Variants in ETFA observed in about 807,000 individuals in gnomAD.
ETFA encodes electron transfer flavoprotein subunit alpha, also known as electron transfer flavoprotein subunit alpha, mitochondrial.
In ETFA, 22 loss-of-function variants were observed where a neutral mutation model predicts 46.2. That is an observed-to-expected ratio of 0.48 (90% CI 0.34 to 0.68). The LOEUF (loss-of-function observed/expected upper bound fraction) is 0.68. Ranked by LOEUF, ETFA falls within the 30% of genes least tolerant of loss-of-function variation. The pLI, the probability that ETFA is intolerant of heterozygous loss-of-function variation, is 0.01. For missense variants in ETFA, 345 were observed against 401.1 expected (o/e 0.86, Z 1.19); for synonymous variants, 131 against 139.9 (o/e 0.94, Z 0.45).
chr15:76,233,151 T>C (rs1784527579), intron 9 of ETFA, among the ~76,000 whole-genome samples: 1 of 152,058 alleles, frequency 6.6e-6, no homozygotes, highest in Admixed American at 6.6e-5. Flanking sequence ...TAAAAAGCAA[T>C]TGCATGCTCT....
chr15:76,255,914 T>G (rs567852552), intron 9 of ETFA, among the ~76,000 whole-genome samples: 25 of 151,950 alleles, frequency 1.6e-4, no homozygotes, highest in South Asian at 8.3e-4. Flanking sequence ...TTTTGTTGTT[T>G]TTTTTTTTTA....
At chr15:76,225,811 A>C in intron 11 of ETFA, 38 bp downstream of exon 11, 1 of 1,191,580 alleles carries the variant, frequency 8.4e-7, no homozygotes, top group Non-Finnish European at 1.3e-6. Flanking sequence ...CTCGGATGAC[A>C]ATCTAGATAA....
intron 1 of ETFA, among the ~76,000 whole-genome samples, chr15:76,301,896 G>A (rs2039883528): frequency 6.6e-6 from 1 of 152,098 alleles, no homozygotes; most frequent in South Asian, 2.1e-4. Context: ...GATCTGAACA[G>A]GTACCTCACC....
At chr15:76,218,569 C>T (rs898156597) in intron 11 of ETFA, among the ~76,000 whole-genome samples, 1 of 152,196 alleles carries the variant, frequency 6.6e-6, no homozygotes, top group African/African-American at 2.4e-5. Context: ...CTGCACCCAG[C>T]CCAACTGCAC....
chr15:76,302,779 G>A (rs575512969), intron 1 of ETFA, among the ~76,000 whole-genome samples: 20 of 152,308 alleles, frequency 1.3e-4, no homozygotes, highest in Non-Finnish European at 5.9e-5. Flanking sequence ...GGACCAGGAA[G>A]ACTCTCTGTA....
intron 9 of ETFA, among the ~76,000 whole-genome samples, chr15:76,255,314 G>T (rs1332528621): frequency 6.6e-6 from 1 of 152,142 alleles, no homozygotes; most frequent in Non-Finnish European, 1.5e-5. Context: ...AACTAAACTG[G>T]ATTTTATTTT....
chr15:76,308,057 A>C (rs1381512402), intron 1 of ETFA, among the ~76,000 whole-genome samples: 2 of 152,198 alleles, frequency 1.3e-5, no homozygotes, highest in Non-Finnish European at 2.9e-5. Context: ...CTTTACAAAC[A>C]TGAGACAACT....
chr15:76,239,187 G>A (rs1334042622), intron 9 of ETFA, among the ~76,000 whole-genome samples: 1 of 152,150 alleles, frequency 6.6e-6, no homozygotes, highest in African/African-American at 2.4e-5. Context: ...AGAGTCTCAG[G>A]CAGGCTTGCT....
intron 9 of ETFA, chr15:76,258,907 G>A: frequency 1.0e-6 from 1 of 961,906 alleles, no homozygotes; most frequent in Non-Finnish European, 1.6e-6. Flanking sequence ...TGTCTGGGCT[G>A]AGGTCAGACA....
intron 8 of ETFA, among the ~76,000 whole-genome samples, chr15:76,275,556 AATCTTT>A (rs1366905193): frequency 2.0e-5 from 3 of 152,326 alleles, no homozygotes; most frequent in Admixed American, 6.5e-5. Context: ...CCACTATGAC[AATCTTT>A]ATCTTTAATT....
At chr15:76,274,158 G>A (rs959824638) in intron 9 of ETFA, 10 of 473,090 alleles carry the variant, frequency 2.1e-5, no homozygotes, top group African/African-American at 1.8e-4. Context: ...TTTATTTGAT[G>A]TAATATGACT....
intron 11 of ETFA, among the ~76,000 whole-genome samples, chr15:76,216,957 C>T (rs1327195842): frequency 6.6e-6 from 1 of 151,348 alleles, no homozygotes; most frequent in Non-Finnish European, 1.5e-5. Context: ...TCACTCCTCC[C>T]ACCTCAGCCT....
intron 1 of ETFA, among the ~76,000 whole-genome samples, 155 bp from the exon 2 acceptor site, chr15:76,295,892 G>A (rs2039814516): frequency 1.4e-5 from 2 of 140,866 alleles, no homozygotes; most frequent in Non-Finnish European, 3.0e-5. Flanking sequence ...TTGTTCTATA[G>A]CGAAAATCTA....
At chr15:76,279,126 A>G (rs1307360658) in intron 8 of ETFA, among the ~76,000 whole-genome samples, 1 of 152,126 alleles carries the variant, frequency 6.6e-6, no homozygotes, top group Non-Finnish European at 1.5e-5. Context: ...TCAAAAAGTT[A>G]TCTGTATTCA....
At chr15:76,277,220 C>G (rs2039601902) in intron 8 of ETFA, among the ~76,000 whole-genome samples, 2 of 152,084 alleles carry the variant, frequency 1.3e-5, no homozygotes, top group Non-Finnish European at 2.9e-5. Context: ...GCTAGAATGG[C>G]TGAAGTTGAG....
At chr15:76,277,408 A>G (rs550749585) in intron 8 of ETFA, among the ~76,000 whole-genome samples, 1 of 151,926 alleles carries the variant, frequency 6.6e-6, no homozygotes, top group Non-Finnish European at 1.5e-5. Context: ...TTTTTCTCTA[A>G]TTTTCACCAT....
At chr15:76,234,306 C>T (rs982492543) in intron 9 of ETFA, among the ~76,000 whole-genome samples, 1 of 152,116 alleles carries the variant, frequency 6.6e-6, no homozygotes, top group Admixed American at 6.5e-5. Flanking sequence ...AAAACATGTA[C>T]AGGCAATTAG....
chr15:76,309,323 T>C (rs992090451), intron 1 of ETFA, among the ~76,000 whole-genome samples: 6 of 151,910 alleles, frequency 3.9e-5, no homozygotes, highest in East Asian at 1.9e-4. Flanking sequence ...TGGTGGCGGG[T>C]ACCTGTAGTC....
At chr15:76,226,175 T>C in intron 10 of ETFA, 1 of 389,742 alleles carries the variant, frequency 2.6e-6, no homozygotes, top group Non-Finnish European at 4.6e-6. Context: ...TTAAAAGTTC[T>C]TCTTTTGACT....
Sources: allele counts gnomAD v4.1 joint callset (sites outside exome capture counted in the v4.1 genomes callset), GRCh38; gene constraint gnomAD v4.1.1; transcripts MANE v1.5; gene names NCBI Gene and HGNC (gene_info 2026-07-23, HGNC 2026-07-21).